The following CFAP44 variants were observed in gnomAD, a reference collection of about 807,000 sequenced individuals.
The protein encoded by CFAP44 is cilia- and flagella-associated protein 44.
A neutral mutation model predicts 216.2 loss-of-function variants in CFAP44; 134 were observed. The ratio of observed to expected loss-of-function variants is 0.62; its 90% CI spans 0.54 to 0.72. The LOEUF (loss-of-function observed/expected upper bound fraction) is 0.72. Ranked by LOEUF, CFAP44 falls within the 30% of genes least tolerant of loss-of-function variation. CFAP44 has a pLI of 0.00. For synonymous variants in CFAP44, 700 were observed against 727.6 expected, an observed-to-expected ratio of 0.96 and a Z score of 0.61; for missense variants, 2,035 against 2,182.1, an observed-to-expected ratio of 0.93 and a Z score of 1.34.
intron 1 of CFAP44, among the ~76,000 whole-genome samples, chr3:113,436,453 G>A (rs1935243381): frequency 6.6e-6 from 1 of 152,062 alleles, no homozygotes; most frequent in Non-Finnish European, 1.5e-5. Flanking sequence ...GCAATATACA[G>A]TCCCTCACCT....
At chr3:113,344,802 T>G in intron 22 of CFAP44, 90 bp from the exon 23 acceptor site, 1 of 1,135,008 alleles carries the variant, frequency 8.8e-7, no homozygotes, top group Non-Finnish European at 1.2e-6. Flanking sequence ...CAATACACTA[T>G]TCTTATTATA....
chr3:113,294,936 A>G (rs1252060749), intron 33 of CFAP44, 115 bp from the exon 34 acceptor site: 2 of 1,240,830 alleles, frequency 1.6e-6, no homozygotes, highest in East Asian at 5.3e-5. Context: ...TGCCCATATG[A>G]AAATATAATC....
At chr3:113,433,966 C>T (rs997849743) in intron 1 of CFAP44, 28 of 245,702 alleles carry the variant, frequency 1.1e-4, no homozygotes, top group African/African-American at 3.0e-4. Flanking sequence ...GATGCTTCAC[C>T]ATTAAAATTA....
At chr3:113,374,212 C>G (rs1933263172) in intron 17 of CFAP44, among the ~76,000 whole-genome samples, 1 of 151,906 alleles carries the variant, frequency 6.6e-6, no homozygotes, top group Non-Finnish European at 1.5e-5. Flanking sequence ...TTCAGCCAAA[C>G]TCTCCCACTG....
intron 11 of CFAP44, 136 bp from the exon 12 acceptor site, chr3:113,400,780 G>T: frequency 1.2e-6 from 1 of 803,032 alleles, no homozygotes; most frequent in Non-Finnish European, 2.0e-6. Flanking sequence ...AGCCTAAAAA[G>T]TTAGAAAGAA....
chr3:113,334,140 C>T (rs375762294), intron 24 of CFAP44, among the ~76,000 whole-genome samples: 1 of 151,966 alleles, frequency 6.6e-6, no homozygotes, highest in East Asian at 1.9e-4. Context: ...TTAGTAGAGA[C>T]GGGGTTTCAT....
chr3:113,426,039 TTGGGCTCCCTGGGC>T, intron 4 of CFAP44, 71 bp downstream of exon 4: 1 of 1,500,338 alleles, frequency 6.7e-7, no homozygotes. Flanking sequence ...GAAGGCACAT[TTGGGCTCCCTGGGC>T]TATAGTTTGC....
At chr3:113,426,315 T>C in intron 3 of CFAP44, 38 bp from the exon 4 acceptor site, 1 of 1,601,986 alleles carries the variant, frequency 6.2e-7, no homozygotes. Context: ...GTGATATGGT[T>C]TGGCTGTGTC....
chr3:113,385,030 C>T (rs1057355913), intron 15 of CFAP44, among the ~76,000 whole-genome samples: 6 of 152,174 alleles, frequency 3.9e-5, no homozygotes, highest in African/African-American at 9.7e-5. Context: ...TGGGGCAGGT[C>T]TTTCCTGTGC....
chr3:113,349,267 T>A (rs921548995), intron 22 of CFAP44, among the ~76,000 whole-genome samples: 12 of 152,148 alleles, frequency 7.9e-5, no homozygotes, highest in African/African-American at 2.9e-4. Flanking sequence ...AGGGTCAATT[T>A]ATCCTAAAAG....
chr3:113,299,421 T>C (rs1949913645), intron 32 of CFAP44, among the ~76,000 whole-genome samples: 1 of 152,188 alleles, frequency 6.6e-6, no homozygotes, highest in Non-Finnish European at 1.5e-5. Context: ...TAACAAATGC[T>C]GATGAGGATG....
intron 15 of CFAP44, among the ~76,000 whole-genome samples, chr3:113,386,827 G>A (rs1214763269): frequency 1.3e-5 from 2 of 152,180 alleles, no homozygotes; most frequent in African/African-American, 4.8e-5. Context: ...GTCTTGAATT[G>A]CTGACACCAC....
Position 113,373,460 on chromosome 3 carries a change from G to A in CFAP44, c.2395C>T (p.Arg799Cys), listed in dbSNP as rs763039505. The change falls in exon 18 of 35, where the codon CGT becomes TGT. Residue 799 changes from arginine to cysteine, a missense_variant. Arg to Cys is a radical substitution (Grantham distance 180). Transcript: ENST00000393845. ...TTGTCCTCTGTATCCGCAAGATAACGGACATCAATAGGTTCATCTTTTTGT... is the reference window on the plus strand; with the variant it reads ...TTGTCCTCTGTATCCGCAAGATAACAGACATCAATAGGTTCATCTTTTTGT... The part of the protein sequence containing the change: ...KEQKDEPIDV[R>C]YLADTEDNPI... The A allele has an allele frequency of 1.3e-5, 21 of 1,607,628 alleles. 1 individual carries two copies. The South Asian group carries it at 1.6e-4, about 12-fold the overall frequency.
intron 2 of CFAP44, 37 bp downstream of exon 2, chr3:113,433,528 T>C: frequency 7.3e-7 from 1 of 1,368,608 alleles, no homozygotes; most frequent in Non-Finnish European, 1.0e-6. Context: ...TACCTAAGTT[T>C]AATACTTTTA....
chr3:113,294,620 T>G, intron 34 of CFAP44, 67 bp downstream of exon 34: 1 of 1,457,066 alleles, frequency 6.9e-7, no homozygotes, highest in Non-Finnish European at 9.0e-7. Flanking sequence ...CTTAACATTC[T>G]TGTGAATAGC....
At chr3:113,414,673 TGTATGTTG>T (rs1934591551) in intron 6 of CFAP44, among the ~76,000 whole-genome samples, 1 of 152,290 alleles carries the variant, frequency 6.6e-6, no homozygotes, top group Admixed American at 6.5e-5. Flanking sequence ...TATTGATCTG[TGTATGTTG>T]AACCAGCCTT....
chr3:113,350,095 C>T (rs534478596), intron 22 of CFAP44, among the ~76,000 whole-genome samples: 5 of 151,906 alleles, frequency 3.3e-5, no homozygotes, highest in South Asian at 2.1e-4. Flanking sequence ...CTTACACTGC[C>T]GAAGCCATGA....
intron 18 of CFAP44, among the ~76,000 whole-genome samples, chr3:113,370,101 C>CA (rs1559926471): frequency 6.6e-6 from 1 of 151,888 alleles, no homozygotes; most frequent in Admixed American, 6.6e-5. Context: ...CCCTACCAAC[C>CA]AAAAAAAGTC....
At chr3:113,304,202 TC>T in intron 31 of CFAP44, 85 bp from the exon 32 acceptor site, 10 of 1,375,710 alleles carry the variant, frequency 7.3e-6, no homozygotes, top group African/African-American at 1.4e-5. Context: ...TGCACTTCCT[TC>T]TTTGCCCCTT....
Sources: gnomAD v4.1 joint callset for allele counts (sites outside exome capture counted in the v4.1 genomes callset) on GRCh38, gnomAD v4.1.1 for gene constraint, MANE v1.5 for transcripts, NCBI Gene and HGNC (gene_info 2026-07-23, HGNC 2026-07-21) for gene names.